Variants in DIAPH1 observed in about 807,000 individuals in gnomAD.
DIAPH1 encodes protein diaphanous homolog 1.
A neutral mutation model predicts 140.7 loss-of-function variants in DIAPH1; 46 were observed. The observed-to-expected ratio is 0.33, with a 90% CI of 0.26 to 0.42. DIAPH1 has a LOEUF of 0.42. Ranked by LOEUF, DIAPH1 falls within the 10% of genes least tolerant of loss-of-function variation. DIAPH1 has a pLI of 1.00. For missense variants in DIAPH1, 1,310 were observed against 1,558.7 expected (o/e 0.84, Z 2.69); for synonymous variants, 565 against 551.6 (o/e 1.02, Z -0.34).
chr5:141,616,067 G>C (rs2099902636), intron 1 of DIAPH1, among the ~76,000 whole-genome samples: 3 of 152,226 alleles, frequency 2.0e-5, no homozygotes, highest in Non-Finnish European at 2.9e-5. Context: ...CATGGCCCAG[G>C]AGAAGACAGA....
chr5:141,576,350 T>G, intron 13 of DIAPH1, 56 bp from the exon 14 acceptor site: 1 of 1,286,496 alleles, frequency 7.8e-7, no homozygotes, highest in Non-Finnish European at 1.1e-6. Context: ...TCTATTTCTT[T>G]CACACTACAC....
chr5:141,611,866 A>G (rs1034517244), intron 1 of DIAPH1, among the ~76,000 whole-genome samples: 4 of 152,208 alleles, frequency 2.6e-5, no homozygotes, highest in Non-Finnish European at 5.9e-5. Flanking sequence ...TAGGAGTTCA[A>G]GACCAGCTTG....
At chr5:141,594,127 G>A (rs2099898918) in intron 1 of DIAPH1, among the ~76,000 whole-genome samples, 1 of 152,126 alleles carries the variant, frequency 6.6e-6, no homozygotes, top group African/African-American at 2.4e-5. Flanking sequence ...TGGCTGGTGG[G>A]AATGTAAAAT....
In DIAPH1 at chr5:141,527,698, CTAA is replaced by C; in HGVS notation, c.3149-4_3149-2del. 3 of 371,282 alleles carry C rather than the reference CTAA, an allele frequency of 8.1e-6. No homozygotes were observed. The highest frequency in any genetic ancestry group is 9.5e-4 in the Middle Eastern group (1 of 1,052). The allele number at this position is 371,282 out of a possible 1,614,324, so 23.0% of individuals were successfully genotyped here. ...TTCTTTTGCAAGTTTTCAGCAGAAACTAAAAAAAAAAAAAAAAAAAAAAACCAT... is the reference window on the plus strand; with the variant it reads ...TTCTTTTGCAAGTTTTCAGCAGAAACAAAAAAAAAAAAAAAAAAAAACCAT... On this transcript the variant is annotated splice_acceptor_variant and splice_polypyrimidine_tract_variant and intron_variant, in intron 23 of 27. Transcript: ENST00000389054. LOFTEE classifies it high-confidence loss of function.
At chr5:141,574,242 C>G (rs548540775) in intron 15 of DIAPH1, 34 bp from the exon 16 acceptor site, 1 of 1,610,178 alleles carries the variant, frequency 6.2e-7, no homozygotes, top group African/African-American at 1.3e-5. Context: ...GTACTTCTCA[C>G]CCCACTTCAG....
intron 18 of DIAPH1, 118 bp downstream of exon 18, chr5:141,571,310 G>T: frequency 1.1e-6 from 1 of 871,438 alleles, no homozygotes; most frequent in Non-Finnish European, 1.8e-6. Context: ...ACCTAGCAAA[G>T]ACAAGTCAAC....
intron 19 of DIAPH1, among the ~76,000 whole-genome samples, chr5:141,532,576 T>C (rs1054973371): frequency 6.6e-6 from 1 of 152,152 alleles, no homozygotes; most frequent in Non-Finnish European, 1.5e-5. Context: ...ATCCCTCCCT[T>C]CCTAGTACTC....
At chr5:141,595,060 A>AAC (rs1312350229) in intron 1 of DIAPH1, among the ~76,000 whole-genome samples, 4 of 151,610 alleles carry the variant, frequency 2.6e-5, no homozygotes, top group African/African-American at 9.7e-5. Flanking sequence ...AAAAAAAGAA[A>AAC]GAAAAAAGGA....
intron 1 of DIAPH1, among the ~76,000 whole-genome samples, chr5:141,606,694 C>T (rs1233568225): frequency 6.6e-6 from 1 of 152,160 alleles, no homozygotes; most frequent in Non-Finnish European, 1.5e-5. Context: ...AAGTTGATAG[C>T]CTTACACTAT....
intron 18 of DIAPH1, among the ~76,000 whole-genome samples, chr5:141,548,156 G>A (rs911679269): frequency 7.3e-5 from 11 of 151,348 alleles, no homozygotes; most frequent in African/African-American, 1.5e-4. Context: ...CTATGATTGC[G>A]CCACTCCACT....
At chr5:141,529,360 A>T (rs2099887863) in intron 20 of DIAPH1, 87 bp from the exon 21 acceptor site, 1 of 1,102,312 alleles carries the variant, frequency 9.1e-7, no homozygotes, top group Non-Finnish European at 1.4e-6. Flanking sequence ...TCAGTCCCAC[A>T]CTCTGCTCAA....
rs534561062 is a variant in DIAPH1, at chr5:141,616,583, GCTC to G, written c.117+2212_117+2214del. On this transcript the variant is annotated intron_variant, in intron 1 of 27. Transcript: ENST00000389054. ...GACACAAAGAGAAGTGGATTGCAAT[GCTC>G]CTCCTCATCTCTCATTTCCACAGAG... Among the ~76,000 whole-genome samples the G allele has an allele frequency of 1.8e-3, 281 of 152,264 alleles. 1 individual carries two copies. The highest frequency in any genetic ancestry group is 5.6e-3 in the Admixed American group (85 of 15,296).
intron 1 of DIAPH1, among the ~76,000 whole-genome samples, chr5:141,592,264 G>A (rs7733080): frequency 0.011 from 1,681 of 152,020 alleles, 35 homozygotes; most frequent in African/African-American, 0.039. Flanking sequence ...CAAGCAAAAC[G>A]GTTTTAGAAT....
chr5:141,579,659 C>T lies in DIAPH1; in HGVS notation c.825-463G>A, dbSNP rs1052490765. Reference sequence around the variant, plus strand: ...TAGTGAAATCTGCTTTAAAAAATATCTGTAAGTTGGCTGGGCGCAGTGGCT... The same window carrying T: ...TAGTGAAATCTGCTTTAAAAAATATTTGTAAGTTGGCTGGGCGCAGTGGCT... On this transcript the variant is annotated intron_variant, in intron 8 of 27. Coordinates refer to ENST00000389054, the MANE Select transcript of DIAPH1 (RefSeq NM_005219.5). Among the ~76,000 whole-genome samples the T allele has an allele frequency of 5.9e-5, 9 of 152,102 alleles. 1 individual carries two copies. The highest frequency in any genetic ancestry group is 2.2e-4 in the African/African-American group (9 of 41,410).
intron 26 of DIAPH1, among the ~76,000 whole-genome samples, chr5:141,525,401 G>C (rs2099887176): frequency 6.6e-6 from 1 of 152,058 alleles, no homozygotes; most frequent in Admixed American, 6.6e-5. Context: ...GGGGGCGAAG[G>C]GGTAGGGAAT....
At chr5:141,585,402 TAGTAAAAC>T (rs2099897376) in intron 3 of DIAPH1, among the ~76,000 whole-genome samples, 1 of 152,216 alleles carries the variant, frequency 6.6e-6, no homozygotes, top group African/African-American at 2.4e-5. Flanking sequence ...TACAGATCTC[TAGTAAAAC>T]AGCACCAAAG....
At chr5:141,612,329 A>C (rs184728961) in intron 1 of DIAPH1, among the ~76,000 whole-genome samples, 48 of 152,250 alleles carry the variant, frequency 3.2e-4, no homozygotes, top group African/African-American at 1.2e-3. Flanking sequence ...AAATGAAGAC[A>C]TATGTCCAGC....
At position 141,580,792 on chromosome 5, in the gene DIAPH1, G is replaced by C; in HGVS notation, c.776C>G (p.Ala259Gly). ...ACAAAGAGCAGAAAGCAGCTTAGCT[G>C]CATCAATCATCATGTTGGGAACAGC... is the stretch of plus-strand genomic sequence containing the variant. ...DPAVPNMMID[A>G]AKLLSALCIL... is the part of the protein sequence containing the mutation. The change falls in exon 8 of 28, where the codon GCA (alanine) becomes GGA (glycine). Residue 259 changes from alanine (A) to glycine (G), a missense_variant. Around this residue, in one of 3 missense-constraint regions of DIAPH1, gnomAD observed 377 missense variants for 497.1 expected, o/e 0.76. Transcript: ENST00000389054. The C allele has an allele frequency of 1.2e-6, 2 of 1,614,172 alleles. No homozygotes were observed. The highest frequency in any genetic ancestry group is 1.7e-6 in the Non-Finnish European group (2 of 1,180,002).
chr5:141,549,160 A>T (rs2099891300), intron 18 of DIAPH1, among the ~76,000 whole-genome samples: 1 of 152,142 alleles, frequency 6.6e-6, no homozygotes, highest in Non-Finnish European at 1.5e-5. Flanking sequence ...CTTATAAGGG[A>T]CACACCTTAA....
Sources: allele counts gnomAD v4.1 joint callset (sites outside exome capture counted in the v4.1 genomes callset), GRCh38; gene constraint gnomAD v4.1.1; regional missense constraint gnomAD v4.1.1; transcripts MANE v1.5; gene names NCBI Gene and HGNC (gene_info 2026-07-23, HGNC 2026-07-21).